The following COLEC10 variants were observed in gnomAD, a reference collection of about 807,000 sequenced individuals.
The protein encoded by COLEC10 is collectin-10.
COLEC10 carries 22 observed loss-of-function variants against 28.4 expected under a neutral mutation model. That is an observed-to-expected ratio of 0.78 (90% CI 0.55 to 1.11). COLEC10 has a LOEUF of 1.11. COLEC10 is among the 50% of genes least tolerant of loss of function. COLEC10 has a pLI of 0.00. For synonymous variants in COLEC10, 125 were observed against 116.1 expected, an observed-to-expected ratio of 1.08 and a Z score of -0.49; for missense variants, 361 against 344.1, an observed-to-expected ratio of 1.05 and a Z score of -0.39.
At chr8:119,028,551 T>C (rs1428280418) in intron 2 of COLEC10, among the ~76,000 whole-genome samples, 1 of 152,122 alleles carries the variant, frequency 6.6e-6, no homozygotes, top group Non-Finnish European at 1.5e-5. Flanking sequence ...GTGAGACTTA[T>C]TCACTATCAG....
At chr8:118,961,348 AT>A in the COLEC10 span, among the ~76,000 whole-genome samples, 1 of 152,186 alleles carries the variant, frequency 6.6e-6, no homozygotes, top group Non-Finnish European at 1.5e-5. Flanking sequence ...ATTATCCATT[AT>A]TTATTTGACA....
rs138647266 is a variant in COLEC10 at position 119,089,814 on chromosome 8, C to T, written c.220+63C>T. ...TAATTGTTCTTCTATCTCTCCTGGC[C>T]CTTGCCCTGGAAATTAGCAGCTTTC... On this transcript the variant is annotated intron_variant, in intron 2 of 5. Transcript: ENST00000332843. 2.7e-4 allele frequency: 368 copies of T among 1,382,246 alleles called. 1 individual carries two copies. Among genetic ancestry groups the T allele is most frequent in the African/African-American group, 2.3e-3 (161 of 69,432 alleles). The allele number at this position is 1,382,246 out of a possible 1,614,324, so 85.6% of individuals were successfully genotyped here.
At chr8:119,006,004 C>T (rs1347506503) in intron 1 of COLEC10, among the ~76,000 whole-genome samples, 1 of 152,052 alleles carries the variant, frequency 6.6e-6, no homozygotes, top group African/African-American at 2.4e-5. Context: ...CTGTGGTGTG[C>T]AGCAGTGCTT....
chr8:118,968,638 A>T, the COLEC10 span, among the ~76,000 whole-genome samples: 11 of 151,892 alleles, frequency 7.2e-5, no homozygotes, highest in African/African-American at 2.7e-4. Context: ...TATAATATAC[A>T]CACACACATT....
At chr8:118,968,910 G>A in the COLEC10 span, among the ~76,000 whole-genome samples, 1,079 of 152,028 alleles carry the variant, frequency 7.1e-3, 10 homozygotes, top group African/African-American at 0.025. Context: ...GAGAATGATG[G>A]TTTTGAACAA....
At chr8:119,054,480 A>T (rs1057485977) in intron 2 of COLEC10, among the ~76,000 whole-genome samples, 1 of 152,106 alleles carries the variant, frequency 6.6e-6, no homozygotes, top group Non-Finnish European at 1.5e-5. Flanking sequence ...AGCATGTAAG[A>T]GATAAAGAGT....
chr8:119,024,720 A>G (rs1031309952), intron 2 of COLEC10, among the ~76,000 whole-genome samples: 4 of 152,128 alleles, frequency 2.6e-5, no homozygotes, highest in Admixed American at 2.6e-4. Context: ...AGGAAGTGCC[A>G]TATTAAAGAC....
At chr8:119,057,379 A>T (rs1814783206) in intron 2 of COLEC10, among the ~76,000 whole-genome samples, 1 of 152,088 alleles carries the variant, frequency 6.6e-6, no homozygotes, top group South Asian at 2.1e-4. Flanking sequence ...AGTCTTAGGT[A>T]TTTATTTATA....
At chr8:118,978,515 CT>C in the COLEC10 span, among the ~76,000 whole-genome samples, 27 of 150,794 alleles carry the variant, frequency 1.8e-4, no homozygotes, top group Non-Finnish European at 2.7e-4. Flanking sequence ...ATAAAAGCTG[CT>C]TTTTTTTTCC....
the COLEC10 span, among the ~76,000 whole-genome samples, chr8:118,960,969 T>G: frequency 6.6e-6 from 1 of 152,214 alleles, no homozygotes; most frequent in African/African-American, 2.4e-5. Context: ...AAGAATAATG[T>G]CCTTACTCAT....
chr8:119,094,673 A>C (rs906424899), intron 3 of COLEC10, among the ~76,000 whole-genome samples: 1 of 152,168 alleles, frequency 6.6e-6, no homozygotes, highest in Non-Finnish European at 1.5e-5. Context: ...CTTGAGCAGA[A>C]AGTTGCTGAA....
chr8:119,033,181 T>C (rs1432115688), intron 2 of COLEC10, among the ~76,000 whole-genome samples: 2 of 152,088 alleles, frequency 1.3e-5, no homozygotes, highest in African/African-American at 2.4e-5. Flanking sequence ...GTCTTTTACA[T>C]TGGGGTTGTA....
chr8:118,972,267 C>T, the COLEC10 span, among the ~76,000 whole-genome samples: 2 of 151,924 alleles, frequency 1.3e-5, no homozygotes, highest in Non-Finnish European at 2.9e-5. Flanking sequence ...AGCAGAGACC[C>T]TGAGCAATGG....
intron 2 of COLEC10, among the ~76,000 whole-genome samples, chr8:119,090,121 G>C (rs1395175785): frequency 6.6e-6 from 1 of 152,134 alleles, no homozygotes; most frequent in African/African-American, 2.4e-5. Context: ...AGAGCTTAAG[G>C]AGGAAGATAA....
chr8:119,046,107 A>T (rs4295687), intron 2 of COLEC10, among the ~76,000 whole-genome samples: 68,179 of 152,036 alleles, frequency 0.45, 16,680 homozygotes, highest in African/African-American at 0.65. Context: ...ACAGAGAAAG[A>T]TTACCTAATT....
chr8:119,006,797 A>C (rs1249534000), intron 1 of COLEC10, among the ~76,000 whole-genome samples: 1 of 152,004 alleles, frequency 6.6e-6, no homozygotes, highest in Non-Finnish European at 1.5e-5. Context: ...TTTTCAACTA[A>C]TTTGCATCTC....
At chr8:119,079,189 T>C (rs1354588911) in intron 1 of COLEC10, among the ~76,000 whole-genome samples, 1 of 152,106 alleles carries the variant, frequency 6.6e-6, no homozygotes, top group Non-Finnish European at 1.5e-5. Context: ...AATGTAATAA[T>C]GTAATATTCT....
At chr8:118,975,608 G>A in the COLEC10 span, among the ~76,000 whole-genome samples, 7 of 152,108 alleles carry the variant, frequency 4.6e-5, no homozygotes, top group East Asian at 1.4e-3. Flanking sequence ...AACTGGTAAG[G>A]TCTCCTGGGT....
At chr8:119,050,940 G>A (rs752477540) in intron 2 of COLEC10, among the ~76,000 whole-genome samples, 14 of 152,014 alleles carry the variant, frequency 9.2e-5, no homozygotes, top group East Asian at 7.7e-4. Flanking sequence ...TACCACCAAC[G>A]AGAAGGCTAA....
Sources: gnomAD v4.1 joint callset for allele counts (sites outside exome capture counted in the v4.1 genomes callset) on GRCh38, gnomAD v4.1.1 for gene constraint, MANE v1.5 for transcripts, NCBI Gene and HGNC (gene_info 2026-07-23, HGNC 2026-07-21) for gene names.